AP3S1: variants seen among roughly 807,000 people sequenced by gnomAD.
AP3S1 encodes adaptor related protein complex 3 subunit sigma 1, also known as AP-3 complex subunit sigma-1.
In AP3S1, 12 loss-of-function variants were observed where a neutral mutation model predicts 21.3. The observed-to-expected ratio is 0.56, with a 90% CI of 0.36 to 0.91. The LOEUF (loss-of-function observed/expected upper bound fraction) is 0.91, where lower values mean the gene tolerates loss of function less well. AP3S1 is among the 40% of genes least tolerant of loss of function. AP3S1 has a pLI of 0.01. For missense variants in AP3S1, 116 were observed against 225.0 expected (o/e 0.52, Z 3.10); for synonymous variants, 48 against 78.4 (o/e 0.61, Z 2.05).
chr5:115,866,254 C>A lies in AP3S1; in HGVS notation c.70-416C>A, dbSNP rs191462756. 5.2e-3 allele frequency among the ~76,000 whole-genome samples: 785 copies of A among 152,284 alleles called. 3 individuals carry two copies. The highest frequency in any genetic ancestry group is 0.018 in the African/African-American group (765 of 41,550). The stretch of plus-strand genomic sequence containing the variant: ...AGTAAAGGTTAAACTTAATTGGAAG[C>A]TCCATAGTTCTATTTCTTTCCTCCA... On this transcript the variant is annotated intron_variant, in intron 1 of 5. Transcript: ENST00000316788.
At chr5:115,881,025 C>CTT (rs535455509) in intron 3 of AP3S1, among the ~76,000 whole-genome samples, 5 of 146,132 alleles carry the variant, frequency 3.4e-5, no homozygotes, top group Admixed American at 2.1e-4. Context: ...GCAACCCCTG[C>CTT]TTTTTTTTTT....
intron 1 of AP3S1, chr5:115,852,842 T>C (rs1052884298): frequency 7.0e-6 from 2 of 286,766 alleles, no homozygotes; most frequent in African/African-American, 4.4e-5. Flanking sequence ...GGGAAATATA[T>C]ATACACTGTA....
chr5:115,897,481 T>C (rs982572495), intron 4 of AP3S1, among the ~76,000 whole-genome samples: 1 of 152,266 alleles, frequency 6.6e-6, no homozygotes, highest in African/African-American at 2.4e-5. Context: ...CTTAAAAATA[T>C]AGATATATTT....
At chr5:115,913,194 A>G (rs1335674217) in intron 5 of AP3S1, among the ~76,000 whole-genome samples, 168 bp from the exon 6 acceptor site, 1 of 152,148 alleles carries the variant, frequency 6.6e-6, no homozygotes, top group Admixed American at 6.5e-5. Flanking sequence ...TTTTCTCTTT[A>G]TAGATTAGTA....
chr5:115,902,659 C>G (rs1020211063), intron 4 of AP3S1, among the ~76,000 whole-genome samples: 2 of 152,010 alleles, frequency 1.3e-5, no homozygotes, highest in Non-Finnish European at 2.9e-5. Context: ...GAAGGTAGTA[C>G]TATTGTTTTT....
chr5:115,897,848 C>T (rs1055062733), intron 4 of AP3S1, among the ~76,000 whole-genome samples: 4 of 152,062 alleles, frequency 2.6e-5, no homozygotes, highest in Non-Finnish European at 5.9e-5. Context: ...AGGTGTGAGC[C>T]ACCACGCCCG....
chr5:115,894,493 C>T (rs911334864), intron 3 of AP3S1, among the ~76,000 whole-genome samples: 4 of 152,188 alleles, frequency 2.6e-5, no homozygotes, highest in Non-Finnish European at 5.9e-5. Flanking sequence ...TGGCCAAGGG[C>T]TAGTCCTGAA....
chr5:115,911,257 A>G (rs1752082361), intron 5 of AP3S1, among the ~76,000 whole-genome samples: 1 of 152,026 alleles, frequency 6.6e-6, no homozygotes, highest in African/African-American at 2.4e-5. Context: ...AGAGAGCTTC[A>G]TGTACATTTA....
intron 5 of AP3S1, among the ~76,000 whole-genome samples, chr5:115,904,569 A>G (rs1054927236): frequency 2.0e-5 from 3 of 152,288 alleles, no homozygotes; most frequent in South Asian, 2.1e-4. Context: ...TTAACTAACT[A>G]TATGTTTTGT....
At chr5:115,864,883 A>C (rs1763494434) in intron 1 of AP3S1, among the ~76,000 whole-genome samples, 1 of 152,210 alleles carries the variant, frequency 6.6e-6, no homozygotes, top group Non-Finnish European at 1.5e-5. Context: ...GACATTAGAC[A>C]ATCTGGCAGA....
intron 3 of AP3S1, among the ~76,000 whole-genome samples, chr5:115,886,139 T>C (rs1162076307): frequency 6.6e-6 from 1 of 152,220 alleles, no homozygotes; most frequent in East Asian, 1.9e-4. Context: ...TGCAAATGGT[T>C]GATGATAAAA....
intron 1 of AP3S1, among the ~76,000 whole-genome samples, chr5:115,845,464 T>C (rs555462915): frequency 3.3e-4 from 51 of 152,350 alleles, no homozygotes; most frequent in African/African-American, 1.1e-3. Flanking sequence ...AGCTGTTATA[T>C]GTGAGAAATA....
chr5:115,900,890 A>G (rs1482978904), intron 4 of AP3S1, among the ~76,000 whole-genome samples: 1 of 152,182 alleles, frequency 6.6e-6, no homozygotes. Context: ...AATCTAGTAC[A>G]ATACTACAGA....
chr5:115,857,554 G>A (rs1044455659), intron 1 of AP3S1, among the ~76,000 whole-genome samples: 7 of 152,054 alleles, frequency 4.6e-5, no homozygotes, highest in African/African-American at 1.2e-4. Context: ...CAAGTTATAC[G>A]TACATATTGG....
chr5:115,895,314 G>C (rs988466119), intron 4 of AP3S1, among the ~76,000 whole-genome samples, 156 bp downstream of exon 4: 1 of 152,002 alleles, frequency 6.6e-6, no homozygotes, highest in Non-Finnish European at 1.5e-5. Context: ...GTGCTTGGTG[G>C]AGAAGATTCA....
At chr5:115,881,274 G>T (rs6879485) in intron 3 of AP3S1, among the ~76,000 whole-genome samples, 6 of 151,808 alleles carry the variant, frequency 4.0e-5, no homozygotes, top group Admixed American at 1.3e-4. Context: ...CTGTTAGTTG[G>T]TGCAGTTTCT....
In AP3S1 at chr5:115,884,862, A is replaced by G. The variant is rs1327957605; in HGVS notation, c.274-10225A>G. Among the ~76,000 whole-genome samples, 4 of 152,136 alleles carry G rather than the reference A, an allele frequency of 2.6e-5. No individual in the cohort carries two copies. In the South Asian group the frequency reaches 6.2e-4, roughly 24 times the overall value. The stretch of plus-strand genomic sequence containing the variant: ...TGAGGTTATTACATGTTGACTTGAG[A>G]GGCCCTGGCCTGATCCCAAGACTGA... On this transcript the variant is annotated intron_variant, in intron 3 of 5. Coordinates refer to ENST00000316788, the MANE Select transcript of AP3S1 (RefSeq NM_001284.4).
At chr5:115,866,516 G>T in intron 1 of AP3S1, 154 bp from the exon 2 acceptor site, 1 of 399,276 alleles carries the variant, frequency 2.5e-6, no homozygotes. Context: ...ACTGGGTTTT[G>T]CTTCTGTAAG....
At chr5:115,846,356 A>T (rs2112765782) in intron 1 of AP3S1, among the ~76,000 whole-genome samples, 1 of 152,314 alleles carries the variant, frequency 6.6e-6, no homozygotes, top group South Asian at 2.1e-4. Flanking sequence ...TGTGTGAATT[A>T]TCTTAGTTGT....
Sources: allele counts gnomAD v4.1 joint callset (sites outside exome capture counted in the v4.1 genomes callset), GRCh38; gene constraint gnomAD v4.1.1; transcripts MANE v1.5; gene names NCBI Gene and HGNC (gene_info 2026-07-23, HGNC 2026-07-21).